The following CTNNAL1 variants were observed in gnomAD, a reference collection of about 807,000 sequenced individuals.
The protein encoded by CTNNAL1 is catenin alpha like 1.
A neutral mutation model predicts 93.6 loss-of-function variants in CTNNAL1; 69 were observed. That is an observed-to-expected ratio of 0.74 (90% CI 0.61 to 0.90). The LOEUF is 0.90. CTNNAL1 is among the 40% of genes least tolerant of loss of function. CTNNAL1 has a pLI of 0.00. For missense variants in CTNNAL1, 836 were observed against 862.0 expected (o/e 0.97, Z 0.38); for synonymous variants, 286 against 305.4 (o/e 0.94, Z 0.66).
At chr9:108,943,618 T>G in intron 17 of CTNNAL1, 85 bp downstream of exon 17, 1 of 1,111,298 alleles carries the variant, frequency 9.0e-7, no homozygotes, top group Non-Finnish European at 1.3e-6. Context: ...TGCCCTTCTG[T>G]GGGTACTAAC....
intron 1 of CTNNAL1, among the ~76,000 whole-genome samples, chr9:109,000,229 T>C (rs564124044): frequency 6.6e-6 from 1 of 152,368 alleles, no homozygotes; most frequent in Admixed American, 6.5e-5. Flanking sequence ...CAATATTGCT[T>C]TTCATCAAAT....
chr9:108,950,399 A>G (rs1830525965), intron 14 of CTNNAL1: 2 of 1,208,330 alleles, frequency 1.7e-6, no homozygotes, highest in Non-Finnish European at 2.3e-6. Context: ...GAAGGAAACC[A>G]CCAAAGGAAT....
intron 8 of CTNNAL1, 31 bp from the exon 9 acceptor site, chr9:108,972,864 G>GGGCCCCCCCCCCCC: frequency 1.8e-4 from 25 of 142,480 alleles, no homozygotes; most frequent in Non-Finnish European, 2.2e-4. Flanking sequence ...GGGGGGGTGG[G>GGGCCCCCCCCCCCC]AGGGTGGAGA....
chr9:109,002,707 G>A (rs1826880125), intron 1 of CTNNAL1, among the ~76,000 whole-genome samples: 1 of 152,106 alleles, frequency 6.6e-6, no homozygotes, highest in African/African-American at 2.4e-5. Context: ...TCCATGCCGT[G>A]CATGGTGGCT....
intron 10 of CTNNAL1, among the ~76,000 whole-genome samples, chr9:108,967,752 C>G (rs1361514392): frequency 1.3e-5 from 2 of 151,932 alleles, no homozygotes; most frequent in African/African-American, 4.8e-5. Flanking sequence ...AGCAAGTAAG[C>G]CAGAGGAACA....
intron 11 of CTNNAL1, among the ~76,000 whole-genome samples, chr9:108,961,544 A>C (rs557358688): frequency 2.0e-5 from 3 of 152,306 alleles, no homozygotes; most frequent in Non-Finnish European, 4.4e-5. Context: ...CGTAAGAAGG[A>C]ATTTCTGTTC....
At chr9:108,998,258 C>T (rs1027004201) in intron 2 of CTNNAL1, among the ~76,000 whole-genome samples, 4 of 152,158 alleles carry the variant, frequency 2.6e-5, no homozygotes, top group Non-Finnish European at 5.9e-5. Flanking sequence ...TGCTGATAAA[C>T]ATCCTACAAT....
At chr9:108,955,902 A>G (rs1219586064) in intron 11 of CTNNAL1, 75 bp from the exon 12 acceptor site, 35 of 901,220 alleles carry the variant, frequency 3.9e-5, no homozygotes, top group Non-Finnish European at 5.1e-5. Flanking sequence ...TAACTTTTAA[A>G]GTATTAATTA....
chr9:108,949,545 T>A (rs1003304455), intron 14 of CTNNAL1, among the ~76,000 whole-genome samples: 12 of 152,146 alleles, frequency 7.9e-5, no homozygotes, highest in Non-Finnish European at 1.2e-4. Context: ...CTATCTCTAC[T>A]AAAAATACAA....
chr9:108,990,607 C>A, intron 4 of CTNNAL1, 119 bp downstream of exon 4: 1 of 1,263,776 alleles, frequency 7.9e-7, no homozygotes, highest in Non-Finnish European at 1.1e-6. Flanking sequence ...GCTTTCAAGA[C>A]CAAGGCTATA....
At chr9:108,943,487 T>A (rs2132073157) in intron 17 of CTNNAL1, among the ~76,000 whole-genome samples, 1 of 152,262 alleles carries the variant, frequency 6.6e-6, no homozygotes, top group Admixed American at 6.5e-5. Flanking sequence ...TGTTCAGTGC[T>A]ATGGAATTAA....
At chr9:109,008,093 A>G (rs1827088118) in intron 1 of CTNNAL1, among the ~76,000 whole-genome samples, 1 of 151,564 alleles carries the variant, frequency 6.6e-6, no homozygotes, top group African/African-American at 2.4e-5. Flanking sequence ...GACATTTGGG[A>G]AGTTTCCAGT....
intron 11 of CTNNAL1, among the ~76,000 whole-genome samples, chr9:108,963,963 G>A (rs1260414019): frequency 2.6e-5 from 4 of 152,122 alleles, no homozygotes; most frequent in Admixed American, 6.6e-5. Flanking sequence ...AAAGACCTGG[G>A]CCTTACAGAT....
At chr9:109,004,434 A>G (rs1206328749) in intron 1 of CTNNAL1, among the ~76,000 whole-genome samples, 1 of 152,212 alleles carries the variant, frequency 6.6e-6, no homozygotes, top group Non-Finnish European at 1.5e-5. Flanking sequence ...AGATATTCTG[A>G]CTGCAGAGAC....
chr9:108,983,965 C>T (rs1831520696), intron 5 of CTNNAL1, among the ~76,000 whole-genome samples: 1 of 152,222 alleles, frequency 6.6e-6, no homozygotes, highest in Non-Finnish European at 1.5e-5. Context: ...ACAGAATAAA[C>T]TAAGTGCTGA....
intron 8 of CTNNAL1, 31 bp from the exon 9 acceptor site, chr9:108,972,864 G>C: frequency 4.9e-5 from 7 of 142,576 alleles, no homozygotes; most frequent in East Asian, 2.2e-4. Flanking sequence ...GGGGGGGTGG[G>C]AGGGTGGAGA....
intron 1 of CTNNAL1, among the ~76,000 whole-genome samples, chr9:109,002,947 C>A (rs979747818): frequency 6.6e-6 from 1 of 151,904 alleles, no homozygotes; most frequent in Non-Finnish European, 1.5e-5. Context: ...AAGCCAAGAT[C>A]GTGCCATTGC....
rs12236777 is a variant in CTNNAL1 at position 108,962,679 on chromosome 9, A to T, written c.1591+2699T>A. Among the ~76,000 whole-genome samples, 988 of 152,310 alleles carry T rather than the reference A, an allele frequency of 6.5e-3. 18 individuals are homozygous for T. The East Asian group carries it at 0.1, about 16-fold the overall frequency. On this transcript the variant is annotated intron_variant, in intron 11 of 18. Transcript: ENST00000325551. ...CAGAAAGTAGGAGAGATTGAGATTA[A>T]GTAAGAGAAATTGGACCTAATGTTT...
At chr9:108,990,668 C>T (rs1221772168) in intron 4 of CTNNAL1, 58 bp downstream of exon 4, 4 of 1,553,080 alleles carry the variant, frequency 2.6e-6, no homozygotes, top group South Asian at 1.2e-5. Context: ...ATCATACCTC[C>T]ATCCAAACTA....
Sources: gnomAD v4.1 joint callset for allele counts (sites outside exome capture counted in the v4.1 genomes callset) on GRCh38, gnomAD v4.1.1 for gene constraint, MANE v1.5 for transcripts, NCBI Gene and HGNC (gene_info 2026-07-23, HGNC 2026-07-21) for gene names.